Variants in DYRK1A observed in about 807,000 individuals in gnomAD.
The protein encoded by DYRK1A is dual specificity tyrosine phosphorylation regulated kinase 1A.
Under a neutral mutation model 79.7 loss-of-function variants are expected in DYRK1A, and 9 were observed. That is an observed-to-expected ratio of 0.11 (90% CI 0.07 to 0.20). DYRK1A has a LOEUF of 0.20. Among genes scored for constraint, DYRK1A ranks in the 10% least tolerant of loss-of-function variants. The pLI, the probability that DYRK1A is intolerant of heterozygous loss-of-function variation, is 1.00. For missense variants in DYRK1A, 622 were observed against 956.0 expected, an observed-to-expected ratio of 0.65 and a Z score of 4.61; for synonymous variants, 349 against 329.7, an observed-to-expected ratio of 1.06 and a Z score of -0.63.
intron 1 of DYRK1A, among the ~76,000 whole-genome samples, chr21:37,375,808 C>T (rs1035299391): frequency 6.6e-6 from 1 of 151,896 alleles, no homozygotes; most frequent in Non-Finnish European, 1.5e-5. Flanking sequence ...CACACCCAGC[C>T]CTGGAGGAAT....
chr21:37,439,143 A>G (rs1162989118), intron 2 of DYRK1A, among the ~76,000 whole-genome samples: 1 of 152,182 alleles, frequency 6.6e-6, no homozygotes, highest in African/African-American at 2.4e-5. Flanking sequence ...ATATCCTTGT[A>G]TTCTGTGACC....
intron 2 of DYRK1A, among the ~76,000 whole-genome samples, chr21:37,454,107 T>TTTTTTTTTTTTTTTTTTC: frequency 6.9e-6 from 1 of 145,172 alleles, no homozygotes; most frequent in African/African-American, 2.6e-5. Flanking sequence ...TTTTTTTTTT[T>TTTTTTTTTTTTTTTTTTC]TTTGAGACAA....
chr21:37,370,580 TACAC>T (rs1569272358), intron 1 of DYRK1A, among the ~76,000 whole-genome samples: 1 of 152,182 alleles, frequency 6.6e-6, no homozygotes, highest in Admixed American at 6.5e-5. Context: ...ACGTTTCCTG[TACAC>T]ACACAGGAAG....
At position 37,368,306 on chromosome 21, in the gene DYRK1A, C is replaced by T. The variant is rs567792694; in HGVS notation, c.-77+678C>T. Among the ~76,000 whole-genome samples the T allele has an allele frequency of 2.2e-4, 34 of 152,322 alleles. No homozygotes were observed. The East Asian group carries it at 2.5e-3, about 11-fold the overall frequency. On this transcript the variant is annotated intron_variant, in intron 1 of 11. Coordinates refer to ENST00000647188, the MANE Select transcript of DYRK1A (RefSeq NM_001347721.2). The stretch of plus-strand genomic sequence containing the variant: ...GAGGAGAGGTGAATTAGAATAGATA[C>T]CTGTGTATCGCCACAAAACTTCACC...
rs113320876 is a variant in DYRK1A, at chr21:37,457,829, AAGT to A, written c.11-14854_11-14852del. ...TTCTCCCTGGGATGGGAGAAGGAAAAAGTTAATTTTTTTCCCCCTTGACTGCTG... is the reference window on the plus strand; with the variant it reads ...TTCTCCCTGGGATGGGAGAAGGAAAATAATTTTTTTCCCCCTTGACTGCTG... On this transcript the variant is annotated intron_variant, in intron 2 of 11. Coordinates refer to ENST00000647188, the MANE Select transcript of DYRK1A (RefSeq NM_001347721.2). 4.6e-3 allele frequency among the ~76,000 whole-genome samples: 700 copies of A among 152,236 alleles called. 4 individuals carry two copies. The highest frequency in any genetic ancestry group is 0.016 in the African/African-American group (657 of 41,558).
At chr21:37,452,168 A>T (rs2051474952) in intron 2 of DYRK1A, among the ~76,000 whole-genome samples, 2 of 151,358 alleles carry the variant, frequency 1.3e-5, no homozygotes, top group African/African-American at 4.9e-5. Flanking sequence ...TGTGGACATG[A>T]ACTTTGACAG....
At chr21:37,454,325 C>T (rs1389174078) in intron 2 of DYRK1A, among the ~76,000 whole-genome samples, 2 of 152,018 alleles carry the variant, frequency 1.3e-5, no homozygotes, top group African/African-American at 4.8e-5. Flanking sequence ...AACTCCTGGG[C>T]TCAAACCATC....
chr21:37,420,410 A>G lies in DYRK1A; in HGVS notation c.10+26A>G, dbSNP rs371664067. On this transcript the variant is annotated intron_variant, in intron 2 of 11. Transcript: ENST00000647188. ...GTGACTCAAGTTTTGAAATACAGTA[A>G]AACTCTGGCTAAGAGAATGTGGGAA... is the stretch of plus-strand genomic sequence containing the variant. The G allele has an allele frequency of 1.9e-6, 3 of 1,610,196 alleles. No homozygotes were observed. The African/African-American group carries it at 4.0e-5, about 22-fold the overall frequency.
chr21:37,444,726 A>T (rs2051213697), intron 2 of DYRK1A, among the ~76,000 whole-genome samples: 1 of 152,274 alleles, frequency 6.6e-6, no homozygotes, highest in African/African-American at 2.4e-5. Context: ...TGGGTAGGGG[A>T]TGATAAATTA....
At chr21:37,374,504 C>G (rs530021789) in intron 1 of DYRK1A, among the ~76,000 whole-genome samples, 1 of 151,958 alleles carries the variant, frequency 6.6e-6, no homozygotes, top group South Asian at 2.1e-4. Flanking sequence ...TAAGAGATTT[C>G]CAAGCTCAGA....
intron 1 of DYRK1A, among the ~76,000 whole-genome samples, chr21:37,380,604 C>G (rs1354561633): frequency 6.6e-6 from 1 of 151,814 alleles, no homozygotes. Flanking sequence ...GACAAAGATA[C>G]AGACATGCAA....
intron 2 of DYRK1A, among the ~76,000 whole-genome samples, chr21:37,462,430 T>C (rs960564843): frequency 2.0e-5 from 3 of 152,188 alleles, no homozygotes; most frequent in African/African-American, 7.2e-5. Context: ...ATGTGGATTT[T>C]CTGGGGTCTC....
intron 11 of DYRK1A, among the ~76,000 whole-genome samples, chr21:37,509,195 T>C (rs942197753): frequency 7.2e-5 from 11 of 152,230 alleles, no homozygotes; most frequent in Non-Finnish European, 1.5e-4. Flanking sequence ...TGTATACTTT[T>C]TGAGATATTT....
chr21:37,488,300 A>C, intron 6 of DYRK1A: 1 of 958,558 alleles, frequency 1.0e-6, no homozygotes, highest in Non-Finnish European at 1.2e-6. Flanking sequence ...AAAACAAAAG[A>C]ACTTTAGATT....
In DYRK1A at chr21:37,512,617, T is replaced by C. The variant is rs760445661; in HGVS notation, c.*86T>C. 2 of 1,496,940 alleles carry C rather than the reference T, an allele frequency of 1.3e-6. No homozygotes were observed. The highest frequency in any genetic ancestry group is 1.8e-6 in the Non-Finnish European group (2 of 1,106,424). 92.7% of individuals were successfully genotyped at this position (1,496,940 alleles called of 1,614,324 possible). ...AAAACAAAGTGCAAAGCTGCTTGAA[T>C]CAGGAGGAGATTAACACACTGAACC... On this transcript the variant is annotated 3_prime_UTR_variant, in exon 12 of 12. Transcript: ENST00000647188.
chr21:37,367,243 G>A lies in DYRK1A; in HGVS notation c.-462G>A, dbSNP rs1159472167. Reference sequence around the variant, plus strand: ...GGCCCCGGCGCTTCTCGCTGCGCAGGTTCGGAGCGCGCGCCATTTTGTGAG... The same window carrying A: ...GGCCCCGGCGCTTCTCGCTGCGCAGATTCGGAGCGCGCGCCATTTTGTGAG... On this transcript the variant is annotated 5_prime_UTR_variant, in exon 1 of 12. Coordinates refer to ENST00000647188, the MANE Select transcript of DYRK1A (RefSeq NM_001347721.2). 6.6e-6 allele frequency: 1 copy of A among 151,832 alleles called. No homozygotes were observed. The highest frequency in any genetic ancestry group is 6.6e-5 in the Admixed American group (1 of 15,258). The allele number at this position is 151,832 out of a possible 1,614,324, so 9.4% of individuals were successfully genotyped here.
At chr21:37,492,172 C>T (rs543088754) in intron 7 of DYRK1A, among the ~76,000 whole-genome samples, 2 of 152,306 alleles carry the variant, frequency 1.3e-5, no homozygotes, top group East Asian at 3.9e-4. Context: ...ATTAGACTTT[C>T]TTCTCATAGT....
chr21:37,376,469 A>T (rs1318070389), intron 1 of DYRK1A, among the ~76,000 whole-genome samples: 1 of 152,202 alleles, frequency 6.6e-6, no homozygotes, highest in Non-Finnish European at 1.5e-5. Flanking sequence ...AGATCGTGCC[A>T]CTGCGACAGA....
intron 9 of DYRK1A, among the ~76,000 whole-genome samples, chr21:37,497,956 A>G (rs1440009109): frequency 1.3e-5 from 2 of 152,076 alleles, no homozygotes; most frequent in African/African-American, 2.4e-5. Context: ...TTTTGCTTTT[A>G]AGAGATAAAT....
Sources: allele counts gnomAD v4.1 joint callset (sites outside exome capture counted in the v4.1 genomes callset), GRCh38; gene constraint gnomAD v4.1.1; transcripts MANE v1.5; gene names NCBI Gene and HGNC (gene_info 2026-07-23, HGNC 2026-07-21).